Variants in GRIK2 observed in about 807,000 individuals in gnomAD.
GRIK2 encodes glutamate receptor ionotropic, kainate 2.
Under a neutral mutation model 100.3 loss-of-function variants are expected in GRIK2, and 32 were observed. The observed-to-expected ratio is 0.32, with a 90% CI of 0.24 to 0.43. The LOEUF is 0.43. Ranked by LOEUF, GRIK2 falls within the 20% of genes least tolerant of loss-of-function variation. The pLI is 1.00. For missense variants in GRIK2, 843 were observed against 1,114.9 expected (o/e 0.76, Z 3.47); for synonymous variants, 417 against 389.4 (o/e 1.07, Z -0.83).
intron 3 of GRIK2, among the ~76,000 whole-genome samples, chr6:101,622,948 T>G (rs1780234637): frequency 6.6e-6 from 1 of 151,992 alleles, no homozygotes; most frequent in Non-Finnish European, 1.5e-5. Flanking sequence ...GTAGATAATC[T>G]TATAGTAGGT....
At chr6:101,870,642 G>A (rs145901820) in intron 11 of GRIK2, among the ~76,000 whole-genome samples, 1 of 151,590 alleles carries the variant, frequency 6.6e-6, no homozygotes, top group Non-Finnish European at 1.5e-5. Flanking sequence ...CCACACTAAA[G>A]GAGTGCAATT....
intron 7 of GRIK2, among the ~76,000 whole-genome samples, chr6:101,781,209 A>G (rs1487203583): frequency 6.6e-6 from 1 of 151,928 alleles, no homozygotes. Context: ...CTTCTTTCTT[A>G]TCCTTATAGT....
intron 2 of GRIK2, among the ~76,000 whole-genome samples, chr6:101,530,512 T>G (rs545420439): frequency 5.3e-4 from 81 of 151,824 alleles, no homozygotes; most frequent in African/African-American, 1.9e-3. Flanking sequence ...GAAGCAGAAA[T>G]GAGATAAAAA....
rs999567471 is a variant in GRIK2, at chr6:101,789,208, T to C, written c.952-10440T>C. Among the ~76,000 whole-genome samples, 116 of 152,338 alleles carry C rather than the reference T, an allele frequency of 7.6e-4. 1 individual carries two copies. Among genetic ancestry groups the C allele is most frequent in the African/African-American group, 2.7e-3 (113 of 41,590 alleles). ...TTTGCTGTGCAGAAGCTGTTTAGTT[T>C]AATTAGATCCCATTTGTCAATTTTG... is the stretch of plus-strand genomic sequence containing the variant. On this transcript the variant is annotated intron_variant, in intron 7 of 16. Transcript: ENST00000369134.
chr6:101,688,888 C>T (rs1462570860), intron 7 of GRIK2, among the ~76,000 whole-genome samples: 2 of 151,124 alleles, frequency 1.3e-5, no homozygotes, highest in Admixed American at 6.6e-5. Flanking sequence ...TTTTAAAATC[C>T]TTTCATCATA....
At chr6:101,503,626 T>C (rs2224201) in intron 2 of GRIK2, among the ~76,000 whole-genome samples, 38,644 of 152,078 alleles carry the variant, frequency 0.25, 5,065 homozygotes, top group Middle Eastern at 0.33. Context: ...TTTATGATGG[T>C]CAAAAGGGGT....
chr6:101,538,207 C>G (rs1388722517), intron 2 of GRIK2, among the ~76,000 whole-genome samples: 1 of 151,660 alleles, frequency 6.6e-6, no homozygotes, highest in African/African-American at 2.4e-5. Flanking sequence ...TTGCATCATC[C>G]AGAATTTAGA....
chr6:101,727,248 C>T (rs1170999625), intron 7 of GRIK2, among the ~76,000 whole-genome samples: 3 of 151,924 alleles, frequency 2.0e-5, no homozygotes, highest in Non-Finnish European at 4.4e-5. Context: ...TTTATGTGCT[C>T]CTTATGTTTG....
intron 7 of GRIK2, among the ~76,000 whole-genome samples, chr6:101,754,110 C>T (rs1776973878): frequency 6.6e-6 from 1 of 151,728 alleles, no homozygotes; most frequent in Non-Finnish European, 1.5e-5. Flanking sequence ...AACTTCTTCT[C>T]CTATAAGTAT....
chr6:101,859,535 T>C, intron 11 of GRIK2, 42 bp downstream of exon 11: 1 of 1,094,396 alleles, frequency 9.1e-7, no homozygotes. Context: ...GTTATGTTGC[T>C]ACAAGGTTTA....
intron 12 of GRIK2, among the ~76,000 whole-genome samples, chr6:101,923,309 A>G (rs548144838): frequency 1.3e-5 from 2 of 152,312 alleles, no homozygotes; most frequent in South Asian, 4.1e-4. Flanking sequence ...TGGCTTTAAA[A>G]TTTGAAATAC....
intron 13 of GRIK2, chr6:101,927,345 G>A (rs774181447): frequency 1.4e-4 from 100 of 713,276 alleles, no homozygotes; most frequent in East Asian, 1.3e-4. Flanking sequence ...CTGTAAGTCC[G>A]TCTTTGCTTC....
chr6:102,006,368 T>TTATATATATATA (rs3029070), intron 14 of GRIK2, among the ~76,000 whole-genome samples: 1 of 125,822 alleles, frequency 7.9e-6, no homozygotes, highest in Non-Finnish European at 1.6e-5. Context: ...GATAAACCTT[T>TTATATATATATA]TATATATATA....
Position 102,002,374 on chromosome 6 carries a change from TTA to T in GRIK2, c.2086-32965_2086-32964del, listed in dbSNP as rs1477168834. Reference sequence around the variant, plus strand: ...GTGCATGTATATATTATGTATATATTTATGTTATATATATGTATATATGTATA... The same window carrying T: ...GTGCATGTATATATTATGTATATATTTGTTATATATATGTATATATGTATA... On this transcript the variant is annotated intron_variant, in intron 14 of 16. Coordinates refer to ENST00000369134, the MANE Select transcript of GRIK2 (RefSeq NM_021956.5). Among the ~76,000 whole-genome samples the T allele has an allele frequency of 3.4e-5, 5 of 148,022 alleles. No homozygotes were observed. In the East Asian group the frequency reaches 5.8e-4, roughly 17 times the overall value.
intron 2 of GRIK2, among the ~76,000 whole-genome samples, chr6:101,451,239 C>G (rs1166844339): frequency 6.6e-6 from 1 of 151,670 alleles, no homozygotes; most frequent in Non-Finnish European, 1.5e-5. Context: ...TATGTTTGAG[C>G]TCAATTGTCA....
At chr6:101,605,878 C>T (rs1779418587) in intron 2 of GRIK2, among the ~76,000 whole-genome samples, 1 of 151,940 alleles carries the variant, frequency 6.6e-6, no homozygotes, top group Non-Finnish European at 1.5e-5. Context: ...ATAATAATAT[C>T]ACAGGGTAGA....
chr6:101,763,959 T>G (rs1034987969), intron 7 of GRIK2, among the ~76,000 whole-genome samples: 21 of 152,148 alleles, frequency 1.4e-4, no homozygotes, highest in Admixed American at 9.8e-4. Flanking sequence ...ATGTATTATC[T>G]GATTTGACAA....
At chr6:101,546,863 C>T (rs1413537390) in intron 2 of GRIK2, among the ~76,000 whole-genome samples, 1 of 107,078 alleles carries the variant, frequency 9.3e-6, no homozygotes, top group African/African-American at 3.7e-5. Context: ...CGGAGTCTCG[C>T]TCTGTCGCCC....
intron 1 of GRIK2, chr6:101,398,770 T>C: frequency 2.7e-6 from 1 of 368,374 alleles, no homozygotes; most frequent in Non-Finnish European, 4.8e-6. Flanking sequence ...GGGAGCTCAC[T>C]GGCCGGGAGC....
Sources: gnomAD v4.1 joint callset for allele counts (sites outside exome capture counted in the v4.1 genomes callset) on GRCh38, gnomAD v4.1.1 for gene constraint, MANE v1.5 for transcripts, NCBI Gene and HGNC (gene_info 2026-07-23, HGNC 2026-07-21) for gene names.